Variants in CD109 observed in about 807,000 individuals in gnomAD.
The protein encoded by CD109 is CD109 antigen.
CD109 carries 149 observed loss-of-function variants against 165.8 expected under a neutral mutation model. That is an observed-to-expected ratio of 0.90 (90% CI 0.79 to 1.03). CD109 has a LOEUF of 1.03. Among genes scored for constraint, CD109 ranks in the 50% least tolerant of loss-of-function variants. CD109 has a pLI of 0.00. For synonymous variants in CD109, 585 were observed against 592.1 expected, an observed-to-expected ratio of 0.99 and a Z score of 0.18; for missense variants, 1,712 against 1,677.8, an observed-to-expected ratio of 1.02 and a Z score of -0.36.
chr6:73,807,860 C>T (rs1775624631), intron 25 of CD109, among the ~76,000 whole-genome samples: 1 of 152,182 alleles, frequency 6.6e-6, no homozygotes, highest in Non-Finnish European at 1.5e-5. Flanking sequence ...TAGGGAATGA[C>T]ACCTGTTTAC....
Position 73,823,579 on chromosome 6 carries a change from A to G in CD109, c.4284A>G (p.Ser1428=), listed in dbSNP as rs1187890151. ...CTTCAGGCTCCCATCATCACTCTTC[A>G]GTCATTTTTATTTTCTGTTTCAAGC... ...DGASGSHHHS[S]VIFIFCFKLL... is the part of the protein sequence containing the mutation. Residue 1428 remains serine, a synonymous_variant, in exon 33 of 33, where the codon TCA becomes TCG. Transcript: ENST00000287097. 2 of 1,613,540 alleles carry G rather than the reference A, an allele frequency of 1.2e-6. No individual in the cohort carries two copies. The highest frequency in any genetic ancestry group is 1.7e-5 in the Admixed American group (1 of 59,976).
chr6:73,681,356 G>GTA, the CD109 span, among the ~76,000 whole-genome samples: 2 of 149,426 alleles, frequency 1.3e-5, no homozygotes, highest in African/African-American at 4.9e-5. Flanking sequence ...GTGTGTGTGT[G>GTA]TGTGTATGTG....
At chr6:73,729,527 A>T (rs181313510) in intron 3 of CD109, among the ~76,000 whole-genome samples, 1 of 141,428 alleles carries the variant, frequency 7.1e-6, no homozygotes, top group African/African-American at 2.9e-5. Context: ...TATTATTATT[A>T]TTATTATTTT....
chr6:73,770,593 C>T (rs1304721267), intron 14 of CD109, among the ~76,000 whole-genome samples: 2 of 152,000 alleles, frequency 1.3e-5, no homozygotes, highest in Non-Finnish European at 2.9e-5. Flanking sequence ...AAAAAAGTTA[C>T]AAAAATTAGC....
chr6:73,765,820 C>A, intron 10 of CD109, 110 bp from the exon 11 acceptor site: 1 of 743,072 alleles, frequency 1.3e-6, no homozygotes, highest in Non-Finnish European at 2.2e-6. Flanking sequence ...TATTATAGTG[C>A]TACCAATAAT....
intron 5 of CD109, among the ~76,000 whole-genome samples, chr6:73,737,867 G>A (rs1439650399): frequency 6.6e-6 from 1 of 152,152 alleles, no homozygotes; most frequent in Admixed American, 6.5e-5. Flanking sequence ...GAAGCACGTT[G>A]TGAGTTTAAA....
At chr6:73,684,767 C>T in the CD109 span, among the ~76,000 whole-genome samples, 2 of 152,046 alleles carry the variant, frequency 1.3e-5, no homozygotes, top group Non-Finnish European at 2.9e-5. Flanking sequence ...TCACGGTAAC[C>T]TCAAACTCCT....
chr6:73,762,497 C>G lies in CD109; in HGVS notation c.855+17C>G. The G allele has an allele frequency of 1.4e-6, 2 of 1,471,850 alleles. No individual in the cohort carries two copies. Among genetic ancestry groups the G allele is most frequent in the Non-Finnish European group, 1.9e-6 (2 of 1,053,416 alleles). The allele number at this position is 1,471,850 out of a possible 1,614,324, so 91.2% of individuals were successfully genotyped here. The stretch of plus-strand genomic sequence containing the variant: ...ACATTTAAGGTAACTTTTGCAGACA[C>G]TTTATAACTTGTGATGGGTAAAATA... On this transcript the variant is annotated intron_variant, in intron 8 of 32. Coordinates refer to ENST00000287097, the MANE Select transcript of CD109 (RefSeq NM_133493.5).
intron 5 of CD109, among the ~76,000 whole-genome samples, chr6:73,740,036 T>C (rs1188761932): frequency 6.6e-6 from 1 of 152,042 alleles, no homozygotes; most frequent in Non-Finnish European, 1.5e-5. Context: ...GCCTGCCTAG[T>C]TAAAAAATTT....
intron 10 of CD109, among the ~76,000 whole-genome samples, chr6:73,765,518 C>T (rs1001122257): frequency 6.6e-6 from 1 of 151,972 alleles, no homozygotes; most frequent in Non-Finnish European, 1.5e-5. Flanking sequence ...GGCATGAACT[C>T]CAGAGAAGGG....
intron 15 of CD109, 120 bp downstream of exon 15, chr6:73,771,701 T>C (rs1174960874): frequency 3.4e-6 from 2 of 593,516 alleles, no homozygotes; most frequent in Non-Finnish European, 5.3e-6. Flanking sequence ...TGTAAGTCAA[T>C]AATTAGTAAA....
intron 23 of CD109, among the ~76,000 whole-genome samples, chr6:73,799,911 C>T (rs2150282834): frequency 6.7e-6 from 1 of 149,426 alleles, no homozygotes; most frequent in South Asian, 2.1e-4. Flanking sequence ...GGCTGAAGTG[C>T]AGTGGCACAA....
chr6:73,777,033 G>GCTGGAGTGCAGTGGTATGATCTCGGCCCA (rs139768520), intron 15 of CD109, among the ~76,000 whole-genome samples: 1 of 96,748 alleles, frequency 1.0e-5, no homozygotes, highest in African/African-American at 4.5e-5. Flanking sequence ...TGTTGCCCAC[G>GCTGGAGTGCAGTGGTATGATCTCGGCCCA]CTGCAACCTC....
intron 23 of CD109, 83 bp from the exon 24 acceptor site, chr6:73,803,137 C>T (rs1775431846): frequency 1.1e-6 from 1 of 900,174 alleles, no homozygotes; most frequent in African/African-American, 1.7e-5. Context: ...GCCCATATTT[C>T]CTCAATATGA....
chr6:73,740,866 C>T (rs1772752647), intron 5 of CD109, among the ~76,000 whole-genome samples: 1 of 152,130 alleles, frequency 6.6e-6, no homozygotes, highest in African/African-American at 2.4e-5. Flanking sequence ...GCTGGGATTA[C>T]AGGCATGAGC....
At chr6:73,785,846 G>GTTT (rs10583850) in intron 20 of CD109, among the ~76,000 whole-genome samples, 1 of 133,962 alleles carries the variant, frequency 7.5e-6, no homozygotes, top group Non-Finnish European at 1.6e-5. Context: ...CTGCAGTTTT[G>GTTT]TTTTTTTTTT....
chr6:73,751,936 AG>A (rs1057348673), intron 5 of CD109, among the ~76,000 whole-genome samples: 1 of 152,232 alleles, frequency 6.6e-6, no homozygotes, highest in African/African-American at 2.4e-5. Flanking sequence ...CACCTGTGGA[AG>A]GTGGACATAG....
the CD109 span, among the ~76,000 whole-genome samples, chr6:73,688,761 G>GTTTTTTTTTTT: frequency 2.3e-4 from 17 of 73,526 alleles, no homozygotes; most frequent in Non-Finnish European, 2.7e-4. Context: ...GTTTTTCTTT[G>GTTTTTTTTTTT]TTTTTTTTTT....
At position 73,810,162 on chromosome 6, in the gene CD109, T is replaced by C; in HGVS notation, c.3534T>C (p.Phe1178=). Residue 1178 remains phenylalanine (F), a synonymous_variant, in exon 27 of 33, where the codon TTT becomes TTC. Coordinates refer to ENST00000287097, the MANE Select transcript of CD109 (RefSeq NM_133493.5). The part of the protein sequence containing the change: ...LSRQRNSLGG[F]ASTQDTTVAL... ...GGCAAAGAAATAGCTTGGGTGGTTT[T>C]GCATCTACTCAGGTGAGAGATGATA... 1 of 1,598,280 alleles carries C rather than the reference T, an allele frequency of 6.3e-7. No individual in the cohort carries two copies. The highest frequency in any genetic ancestry group is 2.3e-5 in the East Asian group (1 of 43,914).
Sources: allele counts gnomAD v4.1 joint callset (sites outside exome capture counted in the v4.1 genomes callset), GRCh38; gene constraint gnomAD v4.1.1; transcripts MANE v1.5; gene names NCBI Gene and HGNC (gene_info 2026-07-23, HGNC 2026-07-21).